WNT2B: variants seen among roughly 807,000 people sequenced by gnomAD.
WNT2B encodes the protein protein Wnt-2b.
Under a neutral mutation model 40.5 loss-of-function variants are expected in WNT2B, and 19 were observed. The ratio of observed to expected loss-of-function variants is 0.47; its 90% CI spans 0.33 to 0.69. The LOEUF (loss-of-function observed/expected upper bound fraction) is 0.69, where lower values mean the gene tolerates loss of function less well. WNT2B is among the 30% of genes least tolerant of loss of function. The pLI, the probability that WNT2B is intolerant of heterozygous loss-of-function variation, is 0.02. For missense variants in WNT2B, 467 were observed against 556.4 expected, an observed-to-expected ratio of 0.84 and a Z score of 1.62; for synonymous variants, 220 against 211.9, an observed-to-expected ratio of 1.04 and a Z score of -0.33.
Position 112,525,333 on chromosome 1 carries a change from G to A in WNT2B, c.*4824G>A, listed in dbSNP as rs1472037689. 1 of 152,298 alleles carries A rather than the reference G, an allele frequency of 6.6e-6. No individual in the cohort carries two copies. The highest frequency in any genetic ancestry group is 6.5e-5 in the Admixed American group (1 of 15,286). The allele number at this position is 152,298 out of a possible 1,614,324, so 9.4% of individuals were successfully genotyped here. A position where few individuals can be genotyped will look rare whatever the true frequency, so the allele number is the denominator to read the frequency against. On this transcript the variant is annotated 3_prime_UTR_variant, in exon 5 of 5. Transcript: ENST00000369684. ...GGGTAAATATATCACAGTTGCTACA[G>A]TGAATTGAGCTTTCTCAGAAGCTAT...
Position 112,516,436 on chromosome 1 carries a change from G to C in WNT2B, c.681+19G>C. 6.3e-7 allele frequency: 1 copy of C among 1,596,044 alleles called. No homozygotes were observed. The highest frequency in any genetic ancestry group is 1.1e-5 in the South Asian group (1 of 88,578). ...TCGCACGGTCAGTACTCATGTCTGT[G>C]TAAGTACACTCATATTTGCTGGGGG... On this transcript the variant is annotated intron_variant, in intron 3 of 4. Coordinates refer to ENST00000369684, the MANE Select transcript of WNT2B (RefSeq NM_024494.3).
At chr1:112,472,559 G>GA (rs35939097) in intron 1 of WNT2B, among the ~76,000 whole-genome samples, 3,527 of 89,034 alleles carry the variant, frequency 0.04, 60 homozygotes, top group Middle Eastern at 0.12. Context: ...CCCAACCAAT[G>GA]AAAAAAAAAA....
At chr1:112,473,139 G>GAAAAAGGA (rs142287480) in intron 1 of WNT2B, among the ~76,000 whole-genome samples, 1 of 140,446 alleles carries the variant, frequency 7.1e-6, no homozygotes, top group African/African-American at 2.7e-5. Context: ...GAGAAAGAAA[G>GAAAAAGGA]AAGAAGGAAG....
intron 4 of WNT2B, 118 bp downstream of exon 4, chr1:112,517,503 G>A: frequency 7.6e-7 from 1 of 1,318,550 alleles, no homozygotes; most frequent in Non-Finnish European, 1.0e-6. Flanking sequence ...GGAGGAGGCA[G>A]TTTCCTCTCC....
At chr1:112,514,784 G>A in intron 1 of WNT2B, 90 bp from the exon 2 acceptor site, 1 of 1,264,682 alleles carries the variant, frequency 7.9e-7, no homozygotes, top group African/African-American at 1.5e-5. Flanking sequence ...ATCTCTTCAA[G>A]GTCTGGATGC....
chr1:112,506,150 G>T (rs193142162), upstream of WNT2B, among the ~76,000 whole-genome samples: 1 of 152,262 alleles, frequency 6.6e-6, no homozygotes, highest in African/African-American at 2.4e-5. Flanking sequence ...GGGACCACAG[G>T]TGTGCATGAC....
chr1:112,509,100 G>A lies in WNT2B; in HGVS notation c.-163G>A. On this transcript the variant is annotated 5_prime_UTR_variant, in exon 1 of 5. Transcript: ENST00000369684. The surrounding 1 kb of genome is among the most constrained non-coding windows in gnomAD (Gnocchi z 4.2). ...GACATCGCAACTTGCGCCCCTCTCG[G>A]GGATCCTCCTCCCGGGCTCTGGACC... 1 of 1,356,742 alleles carries A rather than the reference G, an allele frequency of 7.4e-7. No individual in the cohort carries two copies. Among genetic ancestry groups the A allele is most frequent in the Non-Finnish European group, 9.4e-7 (1 of 1,063,194 alleles). The allele number at this position is 1,356,742 out of a possible 1,614,324, so 84.0% of individuals were successfully genotyped here.
intron 1 of WNT2B, among the ~76,000 whole-genome samples, chr1:112,472,062 A>T (rs1165842939): frequency 1.3e-5 from 2 of 152,148 alleles, no homozygotes. Context: ...CTCACACCTA[A>T]AAAAAAACTA....
chr1:112,485,191 T>C (rs1426654594), intron 1 of WNT2B, among the ~76,000 whole-genome samples: 2 of 152,238 alleles, frequency 1.3e-5, no homozygotes, highest in African/African-American at 2.4e-5. Flanking sequence ...GGGGGCATGA[T>C]GGCTCATGCC....
intron 1 of WNT2B, among the ~76,000 whole-genome samples, chr1:112,487,008 G>T (rs1175551678): frequency 6.6e-6 from 1 of 152,114 alleles, no homozygotes; most frequent in Non-Finnish European, 1.5e-5. Context: ...TCTATGCAAA[G>T]GTTGTAAAAT....
chr1:112,503,250 G>A (rs1570783730), intron 1 of WNT2B, among the ~76,000 whole-genome samples: 1 of 152,182 alleles, frequency 6.6e-6, no homozygotes, highest in East Asian at 1.9e-4. Flanking sequence ...GAAGCAGAAA[G>A]ACGGTCGGTC....
intron 1 of WNT2B, among the ~76,000 whole-genome samples, chr1:112,493,094 G>A (rs1162475934): frequency 6.6e-6 from 1 of 152,056 alleles, no homozygotes. Context: ...TTATCATACT[G>A]GGAATTTTTA....
At chr1:112,477,052 A>G (rs1651074339) in intron 1 of WNT2B, among the ~76,000 whole-genome samples, 1 of 152,228 alleles carries the variant, frequency 6.6e-6, no homozygotes. Context: ...AAGGGATCCC[A>G]TCAGCTGTGA....
In WNT2B at chr1:112,515,145, G is replaced by T. The variant is rs1231611911; in HGVS notation, c.403+51G>T. On this transcript the variant is annotated intron_variant, in intron 2 of 4. Coordinates refer to ENST00000369684, the MANE Select transcript of WNT2B (RefSeq NM_024494.3). The surrounding 1 kb of genome is among the most constrained non-coding windows in gnomAD (Gnocchi z 4.4). ...AGCTCCTTCCCTTTCTGTGCTGGGG[G>T]TGGTGAGTGGGAAGAGTAGGCAAGA... 3 of 1,580,932 alleles carry T rather than the reference G, an allele frequency of 1.9e-6. No homozygotes were observed. Among genetic ancestry groups the T allele is most frequent in the South Asian group, 1.1e-5 (1 of 88,106 alleles).
chr1:112,470,807 G>C (rs1386865635), intron 1 of WNT2B, among the ~76,000 whole-genome samples: 1 of 152,124 alleles, frequency 6.6e-6, no homozygotes, highest in East Asian at 1.9e-4. Context: ...GGGAGGCGGT[G>C]GGATGGGTGG....
chr1:112,517,246 T>A lies in WNT2B; in HGVS notation c.807T>A (p.Tyr269Ter), dbSNP rs767189610. The A allele has an allele frequency of 6.2e-7, 1 of 1,614,204 alleles. No individual in the cohort carries two copies. The highest frequency in any genetic ancestry group is 8.5e-7 in the Non-Finnish European group (1 of 1,180,042). The change falls in exon 4 of 5, where the codon TAT (tyrosine) becomes TAA (stop). Residue 269 changes from tyrosine (Y) to a stop codon, truncating the protein, a stop_gained. Transcript: ENST00000369684. LOFTEE classifies it high-confidence loss of function. ...CAGGTGATTACCTGCGGCGACGCTA[T>A]GATGGGGCTGTGCAGGTGATGGCCA... ...RRTGDYLRRRYDGAVQVMATQ... is the reference protein window; with the variant it reads ...RRTGDYLRRR
In WNT2B at chr1:112,523,282, A is replaced by G. The variant is rs1309807789; in HGVS notation, c.*2773A>G. 1 of 152,208 alleles carries G rather than the reference A, an allele frequency of 6.6e-6. No individual in the cohort carries two copies. The highest frequency in any genetic ancestry group is 2.4e-5 in the African/African-American group (1 of 41,448). 9.4% of individuals were successfully genotyped at this position (152,208 alleles called of 1,614,324 possible). On this transcript the variant is annotated 3_prime_UTR_variant, in exon 5 of 5. Transcript: ENST00000369684. Reference sequence around the variant, plus strand: ...AGCTCATAAAGATGCAAGTTTTGCAATTTCCTATAAATGGTTAAGAAAAGA... The same window carrying G: ...AGCTCATAAAGATGCAAGTTTTGCAGTTTCCTATAAATGGTTAAGAAAAGA...
chr1:112,484,753 AAAG>A (rs1651362570), intron 1 of WNT2B, among the ~76,000 whole-genome samples: 1 of 152,062 alleles, frequency 6.6e-6, no homozygotes, highest in Non-Finnish European at 1.5e-5. Context: ...AAAAAAAAAA[AAAG>A]GTTTATTTCT....
Position 112,515,197 on chromosome 1 carries a change from T to C in WNT2B, c.403+103T>C. The C allele has an allele frequency of 2.3e-6, 3 of 1,320,278 alleles. No homozygotes were observed. The highest frequency in any genetic ancestry group is 3.1e-6 in the Non-Finnish European group (3 of 952,952). The allele number at this position is 1,320,278 out of a possible 1,614,324, so 81.8% of individuals were successfully genotyped here. ...CTCCCCTCTCCTCTCCCACACACTG[T>C]TTCATCATCAGAGAAAGAACTGTGG... On this transcript the variant is annotated intron_variant, in intron 2 of 4. Transcript: ENST00000369684. This position sits in a 1 kb window ranked among gnomAD's most constrained non-coding sequence, Gnocchi z 4.4.
Sources: gnomAD v4.1 joint callset for allele counts (sites outside exome capture counted in the v4.1 genomes callset) on GRCh38, gnomAD v4.1.1 for gene constraint, Gnocchi (gnomAD v3.1) non-coding constraint, MANE v1.5 for transcripts, NCBI Gene and HGNC (gene_info 2026-07-23, HGNC 2026-07-21) for gene names.